Variants in UBE4A observed in about 807,000 individuals in gnomAD.
The protein encoded by UBE4A is ubiquitination factor E4A.
A neutral mutation model predicts 117.9 loss-of-function variants in UBE4A; 48 were observed. The observed-to-expected ratio is 0.41, with a 90% CI of 0.32 to 0.52. The LOEUF is 0.52. Ranked by LOEUF, UBE4A falls within the 20% of genes least tolerant of loss-of-function variation. The pLI is 0.33. For missense variants in UBE4A, 1,067 were observed against 1,296.3 expected (o/e 0.82, Z 2.72); for synonymous variants, 407 against 450.0 (o/e 0.90, Z 1.21).
Position 118,379,565 on chromosome 11 carries a change from T to C in UBE4A, c.1691T>C (p.Leu564Pro), listed in dbSNP as rs1048085082. The C allele has an allele frequency of 6.2e-7, 1 of 1,614,252 alleles. No homozygotes were observed. The highest frequency in any genetic ancestry group is 8.5e-7 in the Non-Finnish European group (1 of 1,180,044). Residue 564 changes from leucine (L) to proline (P), a missense_variant, in exon 11 of 20, where the codon CTG becomes CCG. By Grantham distance (98) the Leu-to-Pro change is moderately conservative. Transcript: ENST00000252108. ...AATCTTCGTGAGCAGTTTGAACGAC[T>C]GATGACCATCTATCTTTCTACCAAG... is the stretch of plus-strand genomic sequence containing the variant. ...ADNLREQFER[L>P]MTIYLSTKTA... is the part of the protein sequence containing the mutation.
intron 6 of UBE4A, 122 bp downstream of exon 6, chr11:118,372,788 C>A (rs1035736331): frequency 7.1e-7 from 1 of 1,411,946 alleles, no homozygotes; most frequent in East Asian, 2.4e-5. Context: ...GAGGAGGGCT[C>A]ACATCTTGAT....
At chr11:118,381,257 C>T (rs1229432171) in intron 11 of UBE4A, 134 bp from the exon 12 acceptor site, 1 of 1,051,720 alleles carries the variant, frequency 9.5e-7, no homozygotes, top group Non-Finnish European at 1.4e-6. Flanking sequence ...GACTTAACGA[C>T]CATCTCTAGT....
chr11:118,368,909 T>C, intron 3 of UBE4A, 105 bp downstream of exon 3: 1 of 1,153,622 alleles, frequency 8.7e-7, no homozygotes, highest in Non-Finnish European at 1.3e-6. Context: ...ACAAACCTAC[T>C]CACTGCACTC....
At position 118,375,241 on chromosome 11, in the gene UBE4A, C is replaced by A; in HGVS notation, c.1450+12C>A. 2 of 1,580,722 alleles carry A rather than the reference C, an allele frequency of 1.3e-6. No individual in the cohort carries two copies. Among genetic ancestry groups the A allele is most frequent in the South Asian group, 2.3e-5 (2 of 86,928 alleles). ...TGTACACATGAGAGGTAGGAGAGAA[C>A]CAGGCTTCTCAAAACTGTGTGTGTG... On this transcript the variant is annotated intron_variant, in intron 9 of 19. Transcript: ENST00000252108.
Position 118,365,167 on chromosome 11 carries a change from G to T in UBE4A, c.87G>T (p.Ala29=). 1.2e-6 allele frequency: 2 copies of T among 1,612,152 alleles called. No homozygotes were observed. The highest frequency in any genetic ancestry group is 1.7e-5 in the Admixed American group (1 of 59,674). Residue 29 remains alanine (A), a synonymous_variant, in exon 2 of 20, where the codon GCG becomes GCT. Coordinates refer to ENST00000252108, the MANE Select transcript of UBE4A (RefSeq NM_001204077.2). ...CCCTGGCTGATGCCAAACAGTTTGC[G>T]GCAATCCAAAAAGAGCAGCTGAAGC... is the stretch of plus-strand genomic sequence containing the variant. ...FGSLADAKQF[A]AIQKEQLKQQ...
Position 118,375,198 on chromosome 11 carries a change from A to T in UBE4A, c.1419A>T (p.Glu473Asp). 5 of 1,609,894 alleles carry T rather than the reference A, an allele frequency of 3.1e-6. No individual in the cohort carries two copies. Among genetic ancestry groups the T allele is most frequent in the African/African-American group, 1.3e-5 (1 of 74,864 alleles). ...GTGCCCTCAAGGAGTTGAATGATGA[A>T]GAACGAAAAATTAAAAATGTACACA... is the stretch of plus-strand genomic sequence containing the variant. ...TYCALKELND[E>D]ERKIKNVHMR... Residue 473 changes from glutamate to aspartate, a missense_variant, in exon 9 of 20, where the codon GAA becomes GAT. Glu to Asp is a conservative substitution (Grantham distance 45). Around this residue, in one of 3 missense-constraint regions of UBE4A, gnomAD observed 1,001 missense variants for 1,184.0 expected, o/e 0.85. Coordinates refer to ENST00000252108, the MANE Select transcript of UBE4A (RefSeq NM_001204077.2).
intron 11 of UBE4A, among the ~76,000 whole-genome samples, chr11:118,380,454 C>T (rs1237209961): frequency 6.6e-6 from 1 of 151,986 alleles, no homozygotes; most frequent in Non-Finnish European, 1.5e-5. Flanking sequence ...TGGTGGTGCA[C>T]ACTTGTAGTT....
At chr11:118,383,517 C>T (rs1380928038) in intron 13 of UBE4A, among the ~76,000 whole-genome samples, 2 of 135,838 alleles carry the variant, frequency 1.5e-5, no homozygotes, top group Admixed American at 8.2e-5. Context: ...TGCTTGAATT[C>T]GGGAGGCAGA....
chr11:118,375,440 A>G (rs1450985504), intron 9 of UBE4A, among the ~76,000 whole-genome samples: 2 of 152,114 alleles, frequency 1.3e-5, no homozygotes, highest in East Asian at 1.9e-4. Flanking sequence ...GCTCACCGCA[A>G]TCTCTGCCTC....
intron 18 of UBE4A, 130 bp from the exon 19 acceptor site, chr11:118,392,608 C>A: frequency 1.3e-6 from 1 of 800,000 alleles, no homozygotes; most frequent in Non-Finnish European, 1.9e-6. Context: ...TCACGTGTGT[C>A]ACTGTCACTG....
chr11:118,369,875 C>T (rs1380812978), intron 4 of UBE4A, among the ~76,000 whole-genome samples: 1 of 151,784 alleles, frequency 6.6e-6, no homozygotes, highest in Non-Finnish European at 1.5e-5. Context: ...AGGTGGATCA[C>T]GAGGTCAGGA....
At chr11:118,370,021 G>A (rs1486886319) in intron 4 of UBE4A, among the ~76,000 whole-genome samples, 1 of 151,752 alleles carries the variant, frequency 6.6e-6, no homozygotes, top group East Asian at 1.9e-4. Context: ...AAACCCAGGA[G>A]GCGGAGGTTG....
intron 15 of UBE4A, 84 bp from the exon 16 acceptor site, chr11:118,386,354 G>A: frequency 2.0e-6 from 3 of 1,464,538 alleles, no homozygotes; most frequent in South Asian, 1.4e-5. Flanking sequence ...TTAGTTGACT[G>A]GATTTTGAAT....
At chr11:118,388,439 A>G (rs1555127607) in intron 16 of UBE4A, among the ~76,000 whole-genome samples, 1 of 151,850 alleles carries the variant, frequency 6.6e-6, no homozygotes, top group Non-Finnish European at 1.5e-5. Flanking sequence ...TCACAAGGTC[A>G]GGAGTTCGAG....
chr11:118,395,659 T>C (rs1235845353), intron 19 of UBE4A, among the ~76,000 whole-genome samples: 2 of 152,276 alleles, frequency 1.3e-5, no homozygotes, highest in African/African-American at 4.8e-5. Flanking sequence ...AATAGTTCTT[T>C]ACACTGACAT....
At chr11:118,395,275 G>A (rs1432915876) in intron 19 of UBE4A, among the ~76,000 whole-genome samples, 2 of 150,306 alleles carry the variant, frequency 1.3e-5, no homozygotes, top group Non-Finnish European at 2.9e-5. Context: ...GTTGCAGTCA[G>A]CCAAGATCAC....
rs1320177796 is a variant in UBE4A, at chr11:118,368,616, T to C, written c.122-15T>C. On this transcript the variant is annotated splice_polypyrimidine_tract_variant and intron_variant, in intron 2 of 19. Coordinates refer to ENST00000252108, the MANE Select transcript of UBE4A (RefSeq NM_001204077.2). ...TAAAGGGGTGTAACATTTAACAGTA[T>C]ACATTTTCTGGCAGATGAACTCCCA... 2 of 1,613,768 alleles carry C rather than the reference T, an allele frequency of 1.2e-6. No individual in the cohort carries two copies. Among genetic ancestry groups the C allele is most frequent in the East Asian group, 2.2e-5 (1 of 44,888 alleles).
chr11:118,372,677 G>A lies in UBE4A; in HGVS notation c.721+11G>A. 1 of 1,611,764 alleles carries A rather than the reference G, an allele frequency of 6.2e-7. No homozygotes were observed. The highest frequency in any genetic ancestry group is 1.1e-5 in the South Asian group (1 of 90,666). On this transcript the variant is annotated intron_variant, in intron 6 of 19. Coordinates refer to ENST00000252108, the MANE Select transcript of UBE4A (RefSeq NM_001204077.2). ...CCATCCAGGGAGCCCGTGAGTACATGAACAAGATCTGTAAGCTTCTACATT... is the reference window on the plus strand; with the variant it reads ...CCATCCAGGGAGCCCGTGAGTACATAAACAAGATCTGTAAGCTTCTACATT...
At chr11:118,383,795 C>T (rs1277277644) in intron 13 of UBE4A, among the ~76,000 whole-genome samples, 3 of 151,948 alleles carry the variant, frequency 2.0e-5, no homozygotes, top group African/African-American at 7.3e-5. Flanking sequence ...TTTTACTGGC[C>T]GCCTTTCCAT....
Sources: gnomAD v4.1 joint callset for allele counts (sites outside exome capture counted in the v4.1 genomes callset) on GRCh38, gnomAD v4.1.1 for gene constraint, gnomAD v4.1.1 regional missense constraint, MANE v1.5 for transcripts, NCBI Gene and HGNC (gene_info 2026-07-23, HGNC 2026-07-21) for gene names.